Variants in ZMPSTE24 observed in about 807,000 individuals in gnomAD.
The protein encoded by ZMPSTE24 is CAAX prenyl protease 1 homolog.
ZMPSTE24 carries 48 observed loss-of-function variants against 56.7 expected under a neutral mutation model. The ratio of observed to expected loss-of-function variants is 0.85; its 90% CI spans 0.67 to 1.08. ZMPSTE24 has a LOEUF of 1.08. ZMPSTE24 is among the 50% of genes least tolerant of loss of function. The probability of loss-of-function intolerance (pLI) is 0.00; values close to 1 mark genes in which losing one functional copy is unlikely to be tolerated. For synonymous variants in ZMPSTE24, 172 were observed against 195.2 expected (o/e 0.88, Z 0.99); for missense variants, 503 against 548.7 (o/e 0.92, Z 0.83).
chr1:40,258,452 T>G lies in ZMPSTE24; in HGVS notation c.123+58T>G. 4.3e-6 allele frequency: 7 copies of G among 1,611,948 alleles called. No homozygotes were observed. The Admixed American group carries it at 1.2e-4, about 27-fold the overall frequency. ...TACCCGGCCAGCCCTGGAGTAGCCT[T>G]GGCTTCGACCCTGAGACTCTTGATT... On this transcript the variant is annotated intron_variant, in intron 1 of 9. Transcript: ENST00000372759.
At chr1:40,274,252 A>G (rs956880670) in intron 6 of ZMPSTE24, among the ~76,000 whole-genome samples, 2 of 152,352 alleles carry the variant, frequency 1.3e-5, no homozygotes, top group Non-Finnish European at 1.5e-5. Flanking sequence ...CCTATAATGT[A>G]TGTTTTAATT....
At chr1:40,281,287 C>T in intron 6 of ZMPSTE24, 56 bp from the exon 7 acceptor site, 1 of 1,565,388 alleles carries the variant, frequency 6.4e-7, no homozygotes, top group South Asian at 1.1e-5. Context: ...GGAGTCTCTC[C>T]AAAGGACCCC....
At chr1:40,280,310 G>A (rs934069817) in intron 6 of ZMPSTE24, among the ~76,000 whole-genome samples, 7 of 152,120 alleles carry the variant, frequency 4.6e-5, no homozygotes, top group Admixed American at 6.6e-5. Flanking sequence ...CCACCACTGC[G>A]CTGTACGTTC....
chr1:40,266,300 G>A (rs1262318731), intron 2 of ZMPSTE24, among the ~76,000 whole-genome samples: 2 of 152,148 alleles, frequency 1.3e-5, no homozygotes, highest in Admixed American at 1.3e-4. Flanking sequence ...CAAGGAATGT[G>A]ATTGATCATT....
rs148578925 is a variant in ZMPSTE24 at position 40,285,093 on chromosome 1, T to TTTATTATTATTATTA, written c.955-817_955-803dup. ...GGCATGCACCACCATGCCTGGCTAATTTATTATTATTATTATTATTATTAT... is the reference window on the plus strand; with the variant it reads ...GGCATGCACCACCATGCCTGGCTAATTTATTATTATTATTATTATTATTATTATTATTATTATTAT... On this transcript the variant is annotated intron_variant, in intron 7 of 9. Coordinates refer to ENST00000372759, the MANE Select transcript of ZMPSTE24 (RefSeq NM_005857.5). Among the ~76,000 whole-genome samples, 11 of 144,738 alleles carry TTTATTATTATTATTA rather than the reference T, an allele frequency of 7.6e-5. 1 individual carries two copies. Among genetic ancestry groups the TTTATTATTATTATTA allele is most frequent in the East Asian group, 4.1e-4 (2 of 4,912 alleles). The allele number at this position is 144,738 out of a possible 152,430, so 95.0% of individuals were successfully genotyped here.
At chr1:40,283,375 G>T (rs1233352400) in intron 7 of ZMPSTE24, among the ~76,000 whole-genome samples, 1 of 151,938 alleles carries the variant, frequency 6.6e-6, no homozygotes, top group Non-Finnish European at 1.5e-5. Flanking sequence ...GCATGATAGC[G>T]CACGCCTGTA....
At position 40,285,998 on chromosome 1, in the gene ZMPSTE24, G is replaced by A. The variant is rs554224406; in HGVS notation, c.1028G>A (p.Gly343Glu). 9.0e-5 allele frequency: 145 copies of A among 1,614,002 alleles called. 2 individuals carry two copies. The South Asian group carries it at 1.1e-3, about 12-fold the overall frequency. Reference protein sequence around the residue: ...LGHELGHWKLGHTVKNIIISQ... With the variant: ...LGHELGHWKLEHTVKNIIISQ... The stretch of plus-strand genomic sequence containing the variant: ...CATGAACTGGGGCACTGGAAGTTGG[G>A]ACATACAGTCAAAAATATCATTATT... The change falls in exon 8 of 10, where the codon GGA becomes GAA. Residue 343 changes from glycine (G) to glutamate (E), a missense_variant. Coordinates refer to ENST00000372759, the MANE Select transcript of ZMPSTE24 (RefSeq NM_005857.5).
At chr1:40,271,790 G>A in intron 5 of ZMPSTE24, 104 bp from the exon 6 acceptor site, 2 of 1,326,784 alleles carry the variant, frequency 1.5e-6, no homozygotes, top group Non-Finnish European at 2.1e-6. Flanking sequence ...TTGTTCTCAA[G>A]TTTGAGGTCA....
At position 40,289,077 on chromosome 1, in the gene ZMPSTE24, G is replaced by C. The variant is rs1398882576; in HGVS notation, c.1060-1777G>C. Among the ~76,000 whole-genome samples, 6 of 152,282 alleles carry C rather than the reference G, an allele frequency of 3.9e-5. No homozygotes were observed. The South Asian group carries it at 8.3e-4, about 21-fold the overall frequency. On this transcript the variant is annotated intron_variant, in intron 8 of 9. Coordinates refer to ENST00000372759, the MANE Select transcript of ZMPSTE24 (RefSeq NM_005857.5). Reference sequence around the variant, plus strand: ...TAAAATAGGCTCTGATTTTGTTCCTGTTCAACTAATTGATTATAGGGAACA... The same window carrying C: ...TAAAATAGGCTCTGATTTTGTTCCTCTTCAACTAATTGATTATAGGGAACA...
chr1:40,268,332 T>C (rs1643577032), intron 3 of ZMPSTE24, 87 bp from the exon 4 acceptor site: 2 of 856,862 alleles, frequency 2.3e-6, no homozygotes, highest in South Asian at 2.7e-5. Context: ...TTGCTTGGGA[T>C]GTAGTAAGTA....
Position 40,258,337 on chromosome 1 carries a change from C to G in ZMPSTE24, c.66C>G (p.Ala22=). ...CGGCCGAGAAGCGTATCTTCGGGGC[C>G]GTGCTGCTCTTTTCCTGGACAGTGT... is the stretch of plus-strand genomic sequence containing the variant. The part of the protein sequence containing the change: ...EMPAEKRIFG[A]VLLFSWTVYL... The change falls in exon 1 of 10, where the codon GCC becomes GCG. Residue 22 remains alanine (A), a synonymous_variant. Coordinates refer to ENST00000372759, the MANE Select transcript of ZMPSTE24 (RefSeq NM_005857.5). 6.2e-7 allele frequency: 1 copy of G among 1,614,154 alleles called. No individual in the cohort carries two copies. Among genetic ancestry groups the G allele is most frequent in the Non-Finnish European group, 8.5e-7 (1 of 1,180,026 alleles).
Position 40,261,010 on chromosome 1 carries a change from ACAGT to A in ZMPSTE24, c.270+27_270+30del, listed in dbSNP as rs529620075. On this transcript the variant is annotated intron_variant, in intron 2 of 9. Transcript: ENST00000372759. Reference sequence around the variant, plus strand: ...TGTGAGTAATTTACTTCTTGGAGAGACAGTCTGTCTGGTTGTTTTCATTTTCATA... The same window carrying A: ...TGTGAGTAATTTACTTCTTGGAGAGACTGTCTGGTTGTTTTCATTTTCATA... 3.6e-4 allele frequency: 573 copies of A among 1,613,790 alleles called. 2 individuals are homozygous for A. In the African/African-American group the frequency reaches 5.3e-3, roughly 15 times the overall value.
chr1:40,281,912 G>A (rs1245026512), intron 7 of ZMPSTE24, among the ~76,000 whole-genome samples: 1 of 151,958 alleles, frequency 6.6e-6, no homozygotes. Flanking sequence ...CTAATTTTTA[G>A]CTTTATTAAG....
intron 8 of ZMPSTE24, 82 bp downstream of exon 8, chr1:40,286,111 A>G: frequency 8.2e-7 from 1 of 1,224,286 alleles, no homozygotes. Context: ...CATATAAGAG[A>G]GGCCAAGGCA....
chr1:40,289,107 A>G (rs375805005), intron 8 of ZMPSTE24, among the ~76,000 whole-genome samples: 1 of 152,202 alleles, frequency 6.6e-6, no homozygotes, highest in African/African-American at 2.4e-5. Flanking sequence ...GGAACAGCAT[A>G]TGAGTAAGGG....
intron 9 of ZMPSTE24, among the ~76,000 whole-genome samples, chr1:40,291,971 G>A (rs1338735724): frequency 2.0e-5 from 3 of 151,548 alleles, no homozygotes; most frequent in Admixed American, 6.6e-5. Flanking sequence ...CTCCTGAATA[G>A]CTGGGACTAC....
intron 6 of ZMPSTE24, among the ~76,000 whole-genome samples, chr1:40,272,328 G>C (rs1426558421): frequency 2.0e-5 from 3 of 152,068 alleles, no homozygotes; most frequent in Non-Finnish European, 4.4e-5. Flanking sequence ...TTCACTCTCT[G>C]TTATGTTATC....
chr1:40,281,233 A>T (rs534236864), intron 6 of ZMPSTE24, 110 bp from the exon 7 acceptor site: 5 of 1,071,650 alleles, frequency 4.7e-6, no homozygotes, highest in Non-Finnish European at 7.1e-6. Context: ...CACATATTAA[A>T]TGATTTGAAA....
At chr1:40,292,345 C>A in intron 9 of ZMPSTE24, 100 bp from the exon 10 acceptor site, 1 of 1,151,236 alleles carries the variant, frequency 8.7e-7, no homozygotes, top group South Asian at 1.3e-5. Context: ...TGCCATTCCT[C>A]TTATCCCAAG....
Sources: allele counts gnomAD v4.1 joint callset (sites outside exome capture counted in the v4.1 genomes callset), GRCh38; gene constraint gnomAD v4.1.1; transcripts MANE v1.5; gene names NCBI Gene and HGNC (gene_info 2026-07-23, HGNC 2026-07-21).